The following FBXL17 variants were observed in gnomAD, a reference collection of about 807,000 sequenced individuals.
The protein encoded by FBXL17 is F-box/LRR-repeat protein 17.
FBXL17 carries 22 observed loss-of-function variants against 66.2 expected under a neutral mutation model. The ratio of observed to expected loss-of-function variants is 0.33; its 90% CI spans 0.24 to 0.47. The LOEUF is 0.47. FBXL17 is among the 20% of genes least tolerant of loss of function. The probability of loss-of-function intolerance (pLI) is 1.00; values close to 1 mark genes in which losing one functional copy is unlikely to be tolerated. For synonymous variants in FBXL17, 474 were observed against 400.5 expected, an observed-to-expected ratio of 1.18 and a Z score of -2.19; for missense variants, 878 against 948.2, an observed-to-expected ratio of 0.93 and a Z score of 0.97.
chr5:107,873,141 G>A (rs577045484), intron 8 of FBXL17, among the ~76,000 whole-genome samples: 1 of 152,336 alleles, frequency 6.6e-6, no homozygotes, highest in African/African-American at 2.4e-5. Flanking sequence ...TAAATAGAAT[G>A]GCAAGAAGAG....
intron 7 of FBXL17, among the ~76,000 whole-genome samples, chr5:107,985,152 C>A (rs1252032205): frequency 6.6e-6 from 1 of 152,162 alleles, no homozygotes; most frequent in Non-Finnish European, 1.5e-5. Flanking sequence ...ATCCACTGTT[C>A]TTAACATTTG....
chr5:108,211,591 G>A (rs867391718), intron 5 of FBXL17, among the ~76,000 whole-genome samples: 4 of 152,136 alleles, frequency 2.6e-5, no homozygotes, highest in African/African-American at 9.7e-5. Flanking sequence ...ATGAAGCTTA[G>A]TTTGGCTGGA....
intron 4 of FBXL17, among the ~76,000 whole-genome samples, chr5:108,303,845 G>A (rs55896795): frequency 0.42 from 63,820 of 151,632 alleles, 14,240 homozygotes; most frequent in Non-Finnish European, 0.5. Flanking sequence ...TAGAATGTAT[G>A]CTTGTATATT....
chr5:107,962,109 T>C (rs1032816766), intron 7 of FBXL17, among the ~76,000 whole-genome samples: 3 of 152,134 alleles, frequency 2.0e-5, no homozygotes, highest in African/African-American at 7.2e-5. Context: ...ATAAAATATC[T>C]ATACAATTTC....
At chr5:108,247,702 T>G (rs1378568459) in intron 4 of FBXL17, among the ~76,000 whole-genome samples, 1 of 152,216 alleles carries the variant, frequency 6.6e-6, no homozygotes, top group Non-Finnish European at 1.5e-5. Flanking sequence ...TAATTTTTAC[T>G]CATAGCATTT....
chr5:108,171,587 G>C (rs1752607440), intron 6 of FBXL17, among the ~76,000 whole-genome samples: 1 of 152,138 alleles, frequency 6.6e-6, no homozygotes, highest in Non-Finnish European at 1.5e-5. Context: ...CAGTATCTTA[G>C]TCATTTATTG....
intron 1 of FBXL17, among the ~76,000 whole-genome samples, chr5:108,371,276 C>T (rs1375038186): frequency 6.6e-6 from 1 of 152,124 alleles, no homozygotes; most frequent in East Asian, 1.9e-4. Context: ...CTCTGTGGTC[C>T]AACAAGTAAA....
rs578237916 is a variant in FBXL17, at chr5:108,305,810, A to T, written c.1506+42589T>A. On this transcript the variant is annotated intron_variant, in intron 4 of 8. Coordinates refer to ENST00000542267, the MANE Select transcript of FBXL17 (RefSeq NM_001163315.3). ...TAGTCCTTTGAAACTGTTTTGAACAATCTGAACAGAAAGAAACATCCATCC... is the reference window on the plus strand; with the variant it reads ...TAGTCCTTTGAAACTGTTTTGAACATTCTGAACAGAAAGAAACATCCATCC... Among the ~76,000 whole-genome samples, 210 of 152,270 alleles carry T rather than the reference A, an allele frequency of 1.4e-3. 1 individual carries two copies. The highest frequency in any genetic ancestry group is 4.5e-3 in the African/African-American group (185 of 41,570).
intron 7 of FBXL17, among the ~76,000 whole-genome samples, chr5:107,925,802 C>T (rs1285074835): frequency 6.6e-6 from 1 of 152,144 alleles, no homozygotes; most frequent in Non-Finnish European, 1.5e-5. Context: ...CTTAAATAAA[C>T]TACATACATT....
At chr5:108,034,516 TA>T (rs1310069575) in intron 6 of FBXL17, among the ~76,000 whole-genome samples, 1 of 152,084 alleles carries the variant, frequency 6.6e-6, no homozygotes, top group Non-Finnish European at 1.5e-5. Flanking sequence ...TCACTGAAAA[TA>T]AAAAAGGAAT....
intron 7 of FBXL17, among the ~76,000 whole-genome samples, chr5:107,916,405 G>A (rs1750136178): frequency 6.6e-6 from 1 of 152,080 alleles, no homozygotes; most frequent in Admixed American, 6.5e-5. Context: ...GCTACCCCAT[G>A]TACTCTAATG....
intron 4 of FBXL17, among the ~76,000 whole-genome samples, chr5:108,245,418 T>C (rs1580683293): frequency 6.6e-6 from 1 of 152,146 alleles, no homozygotes; most frequent in African/African-American, 2.4e-5. Flanking sequence ...ATATAGAACA[T>C]TTCTTACATA....
chr5:107,887,162 T>G (rs964180480), intron 7 of FBXL17, among the ~76,000 whole-genome samples: 2 of 152,202 alleles, frequency 1.3e-5, no homozygotes, highest in Non-Finnish European at 2.9e-5. Context: ...AGAGCATACG[T>G]GAACTCTACT....
chr5:107,980,459 C>A (rs1240749213), intron 7 of FBXL17, among the ~76,000 whole-genome samples: 3 of 149,298 alleles, frequency 2.0e-5, no homozygotes, highest in Non-Finnish European at 3.0e-5. Context: ...CTTCCCACCA[C>A]AGCCCAGCTG....
At chr5:108,291,582 A>T (rs1026722073) in intron 4 of FBXL17, among the ~76,000 whole-genome samples, 16 of 152,216 alleles carry the variant, frequency 1.1e-4, no homozygotes, top group Non-Finnish European at 1.6e-4. Context: ...TAACAAACTT[A>T]AAAAATGAAA....
intron 8 of FBXL17, chr5:107,879,808 A>G (rs1275860056): frequency 1.0e-6 from 1 of 985,336 alleles, no homozygotes; most frequent in Non-Finnish European, 1.2e-6. Context: ...CTGAGCAAGT[A>G]TCTGAACTGG....
In FBXL17 at chr5:108,226,670, A is replaced by C. The variant is rs1021871420; in HGVS notation, c.1507-2442T>G. Among the ~76,000 whole-genome samples, 31 of 152,296 alleles carry C rather than the reference A, an allele frequency of 2.0e-4. 1 individual carries two copies. The highest frequency in any genetic ancestry group is 1.7e-3 in the Admixed American group (26 of 15,284). ...GTTTCTGAATGATATTAACAGCTCA[A>C]TCAGTAGACTGAGTGAAGCAGATTG... On this transcript the variant is annotated intron_variant, in intron 4 of 8. Transcript: ENST00000542267.
At chr5:107,926,657 T>C (rs550572254) in intron 7 of FBXL17, among the ~76,000 whole-genome samples, 13 of 151,916 alleles carry the variant, frequency 8.6e-5, no homozygotes, top group Non-Finnish European at 1.5e-4. Context: ...TAGCCTATGA[T>C]AGGGAAAGAA....
At chr5:108,169,774 C>G (rs945528611) in intron 6 of FBXL17, among the ~76,000 whole-genome samples, 2 of 152,120 alleles carry the variant, frequency 1.3e-5, no homozygotes, top group Admixed American at 1.3e-4. Flanking sequence ...CTTATTCTAT[C>G]TTGTTCAACT....
Sources: allele counts gnomAD v4.1 joint callset (sites outside exome capture counted in the v4.1 genomes callset), GRCh38; gene constraint gnomAD v4.1.1; transcripts MANE v1.5; gene names NCBI Gene and HGNC (gene_info 2026-07-23, HGNC 2026-07-21).